The following ISY1 variants were observed in gnomAD, a reference collection of about 807,000 sequenced individuals.
ISY1 encodes ISY1 spliceosome associated protein.
ISY1 carries 12 observed loss-of-function variants against 54.4 expected under a neutral mutation model. The ratio of observed to expected loss-of-function variants is 0.22; its 90% CI spans 0.14 to 0.36. ISY1 has a LOEUF of 0.36. Among genes scored for constraint, ISY1 ranks in the 10% least tolerant of loss-of-function variants. The pLI, the probability that ISY1 is intolerant of heterozygous loss-of-function variation, is 1.00. For missense variants in ISY1, 282 were observed against 342.2 expected, an observed-to-expected ratio of 0.82 and a Z score of 1.39; for synonymous variants, 96 against 117.9, an observed-to-expected ratio of 0.81 and a Z score of 1.20.
At chr3:129,159,756 T>TA (rs933234553) in intron 1 of ISY1, among the ~76,000 whole-genome samples, 5 of 152,340 alleles carry the variant, frequency 3.3e-5, no homozygotes, top group Admixed American at 2.6e-4. Flanking sequence ...TTCTTCCACT[T>TA]ACCATCTGTG....
At chr3:129,137,738 G>A (rs1240559413) in intron 7 of ISY1, among the ~76,000 whole-genome samples, 3 of 151,504 alleles carry the variant, frequency 2.0e-5, no homozygotes, top group African/African-American at 4.8e-5. Flanking sequence ...GTGAAACCCC[G>A]TCTCTACTAA....
chr3:129,159,139 C>G lies in ISY1; in HGVS notation c.26+15G>C. The G allele has an allele frequency of 6.2e-7, 1 of 1,604,076 alleles. No homozygotes were observed. Among genetic ancestry groups the G allele is most frequent in the Non-Finnish European group, 8.5e-7 (1 of 1,177,914 alleles). ...GTTACAAAAAATTTACAGCCAAAAA[C>G]AAGTTGATACTTACATGGCCTTTTC... On this transcript the variant is annotated intron_variant, in intron 2 of 10. Coordinates refer to ENST00000393295, the MANE Select transcript of ISY1 (RefSeq NM_020701.4).
chr3:129,142,756 A>T (rs554066693), intron 6 of ISY1, among the ~76,000 whole-genome samples: 8 of 152,122 alleles, frequency 5.3e-5, no homozygotes, highest in South Asian at 2.1e-4. Context: ...CAAAAAATTT[A>T]AAAATTAGCT....
At chr3:129,133,940 T>C in intron 9 of ISY1, 134 bp downstream of exon 9, 1 of 1,476,238 alleles carries the variant, frequency 6.8e-7, no homozygotes, top group Admixed American at 2.1e-5. Context: ...GCAAGTGTTT[T>C]CACAGCCATC....
At chr3:129,134,702 C>T in intron 8 of ISY1, 130 bp downstream of exon 8, 1 of 1,277,978 alleles carries the variant, frequency 7.8e-7, no homozygotes, top group East Asian at 3.2e-5. Context: ...AGCAGACCAT[C>T]ACGCCTGAAG....
chr3:129,139,058 C>T (rs887794318), intron 7 of ISY1, among the ~76,000 whole-genome samples: 1 of 151,860 alleles, frequency 6.6e-6, no homozygotes, highest in African/African-American at 2.4e-5. Context: ...CCTCAGCCTC[C>T]TGAGTAGCTG....
chr3:129,142,450 G>A (rs1011936818), intron 6 of ISY1, among the ~76,000 whole-genome samples: 1 of 152,162 alleles, frequency 6.6e-6, no homozygotes, highest in Non-Finnish European at 1.5e-5. Flanking sequence ...ATGATGTATT[G>A]TAACCTACCT....
At chr3:129,150,226 T>C (rs2107614940) in intron 5 of ISY1, among the ~76,000 whole-genome samples, 1 of 152,284 alleles carries the variant, frequency 6.6e-6, no homozygotes, top group East Asian at 1.9e-4. Flanking sequence ...AATGTCAATG[T>C]AAACAAAAAA....
At chr3:129,148,868 C>T (rs1936850890) in intron 5 of ISY1, among the ~76,000 whole-genome samples, 1 of 152,190 alleles carries the variant, frequency 6.6e-6, no homozygotes, top group African/African-American at 2.4e-5. Flanking sequence ...CATGCCCACC[C>T]TACATATTTT....
At chr3:129,149,351 C>T (rs934703893) in intron 5 of ISY1, among the ~76,000 whole-genome samples, 1 of 147,130 alleles carries the variant, frequency 6.8e-6, no homozygotes, top group Admixed American at 6.9e-5. Context: ...ATCACTTGTA[C>T]CCGGGAGGTG....
intron 9 of ISY1, 123 bp from the exon 10 acceptor site, chr3:129,130,759 T>A: frequency 1.9e-6 from 2 of 1,048,194 alleles, no homozygotes; most frequent in Non-Finnish European, 2.7e-6. Context: ...GTTCTATACT[T>A]ATAGAAAGAC....
At chr3:129,141,520 C>T (rs1202017436) in intron 6 of ISY1, among the ~76,000 whole-genome samples, 2 of 150,640 alleles carry the variant, frequency 1.3e-5, no homozygotes, top group African/African-American at 4.9e-5. Flanking sequence ...TTTGGGAGGC[C>T]GAGGTGGGCG....
At chr3:129,148,148 CTGAG>C (rs1265957386) in intron 5 of ISY1, among the ~76,000 whole-genome samples, 1 of 152,028 alleles carries the variant, frequency 6.6e-6, no homozygotes, top group African/African-American at 2.4e-5. Context: ...GTTTTTACTA[CTGAG>C]TATTATTTTA....
intron 5 of ISY1, among the ~76,000 whole-genome samples, chr3:129,146,761 T>A (rs28373242): frequency 1.6e-4 from 24 of 152,266 alleles, no homozygotes; most frequent in South Asian, 2.1e-4. Flanking sequence ...TCTATTTTTT[T>A]AAAAAAGTCA....
chr3:129,160,714 A>T (rs1191311385), intron 1 of ISY1, among the ~76,000 whole-genome samples: 1 of 152,156 alleles, frequency 6.6e-6, no homozygotes, highest in African/African-American at 2.4e-5. Flanking sequence ...TCTGTGTCTT[A>T]ATTTCCCTCA....
chr3:129,149,598 AAAAAAAAAAAAAATAT>A (rs1936878111), intron 5 of ISY1, among the ~76,000 whole-genome samples: 1 of 83,612 alleles, frequency 1.2e-5, no homozygotes, highest in South Asian at 4.0e-4. Flanking sequence ...AAAAAAAAAA[AAAAAAAAAAAAAATAT>A]ATATATATAT....
At position 129,135,779 on chromosome 3, in the gene ISY1, C is replaced by A. The variant is rs13069013; in HGVS notation, c.419-825G>T. On this transcript the variant is annotated intron_variant, in intron 7 of 10. Transcript: ENST00000393295. ...AGACTCCATCTCAAAAAAAAAAAAA[C>A]AAAAACCAAACACGAGATAGCAAAA... Among the ~76,000 whole-genome samples, 882 of 147,770 alleles carry A rather than the reference C, an allele frequency of 6.0e-3. 3 individuals are homozygous for A. Among genetic ancestry groups the A allele is most frequent in the African/African-American group, 0.015 (617 of 40,348 alleles).
chr3:129,144,448 G>A (rs540713266), intron 6 of ISY1, among the ~76,000 whole-genome samples: 44 of 152,260 alleles, frequency 2.9e-4, no homozygotes, highest in Non-Finnish European at 3.7e-4. Flanking sequence ...AGATCAACAC[G>A]TAGAAAAACT....
chr3:129,134,959 A>G lies in ISY1; in HGVS notation c.419-5T>C, dbSNP rs766109104. On this transcript the variant is annotated splice_polypyrimidine_tract_variant and splice_region_variant and intron_variant, in intron 7 of 10. Coordinates refer to ENST00000393295, the MANE Select transcript of ISY1 (RefSeq NM_020701.4). Reference sequence around the variant, plus strand: ...TCTTTCTGGGAGGAGGAAGAGCTATAAGAAACAGAAATGGAGCTGAGTTTC... The same window carrying G: ...TCTTTCTGGGAGGAGGAAGAGCTATGAGAAACAGAAATGGAGCTGAGTTTC... 3.1e-6 allele frequency: 5 copies of G among 1,599,742 alleles called. No homozygotes were observed. The African/African-American group carries it at 6.7e-5, about 21-fold the overall frequency.
Sources: allele counts gnomAD v4.1 joint callset (sites outside exome capture counted in the v4.1 genomes callset), GRCh38; gene constraint gnomAD v4.1.1; transcripts MANE v1.5; gene names NCBI Gene and HGNC (gene_info 2026-07-23, HGNC 2026-07-21).